The following SEC14L1 variants were observed in gnomAD, a reference collection of about 807,000 sequenced individuals.
SEC14L1 encodes the protein SEC14-like protein 1.
Under a neutral mutation model 85.3 loss-of-function variants are expected in SEC14L1, and 48 were observed. The ratio of observed to expected loss-of-function variants is 0.56; its 90% confidence interval spans 0.45 to 0.72. The LOEUF (loss-of-function observed/expected upper bound fraction) is 0.72. Among genes scored for constraint, SEC14L1 ranks in the 30% least tolerant of loss-of-function variants. The pLI is 0.00. For synonymous variants in SEC14L1, 391 were observed against 355.5 expected (o/e 1.10, Z -1.12); for missense variants, 682 against 921.4 (o/e 0.74, Z 3.36).
chr17:77,154,456 A>G (rs1255285634), intron 3 of SEC14L1, among the ~76,000 whole-genome samples: 3 of 152,178 alleles, frequency 2.0e-5, no homozygotes, highest in African/African-American at 7.2e-5. Flanking sequence ...CCCTGTATCT[A>G]AAAGATGTGT....
upstream of SEC14L1, among the ~76,000 whole-genome samples, chr17:77,138,686 G>A (rs142096050): frequency 2.6e-5 from 4 of 152,234 alleles, no homozygotes; most frequent in Admixed American, 6.5e-5. Flanking sequence ...GTAGCCAGGC[G>A]TGGTGGCACA....
intron 3 of SEC14L1, among the ~76,000 whole-genome samples, chr17:77,160,690 A>G (rs1974017614): frequency 6.6e-6 from 1 of 152,226 alleles, no homozygotes; most frequent in African/African-American, 2.4e-5. Context: ...TAGTGTCTTT[A>G]TAATTCTCTA....
chr17:77,128,298 C>T (rs1178997882), intron 3 of SEC14L1, among the ~76,000 whole-genome samples: 2 of 152,166 alleles, frequency 1.3e-5, no homozygotes, highest in Non-Finnish European at 2.9e-5. Context: ...AGCACCAGCA[C>T]GGCGCCTGAC....
upstream of SEC14L1, among the ~76,000 whole-genome samples, chr17:77,139,802 G>T (rs993099465): frequency 6.6e-6 from 1 of 152,062 alleles, no homozygotes; most frequent in South Asian, 2.1e-4. Flanking sequence ...CCGGCCGGTG[G>T]ATGTGATTTC....
intron 2 of SEC14L1, chr17:77,090,018 C>T (rs995957798): frequency 4.1e-4 from 51 of 125,126 alleles, no homozygotes; most frequent in African/African-American, 1.8e-3. Context: ...AGCAAAACTC[C>T]GAGAAAAAAA....
chr17:77,211,642 C>G (rs1392320354), intron 14 of SEC14L1: 2 of 393,482 alleles, frequency 5.1e-6, no homozygotes, highest in Non-Finnish European at 9.5e-6. Flanking sequence ...TGTACGAGCT[C>G]ACAGTGTTTG....
chr17:77,100,060 T>C (rs1362112960), intron 3 of SEC14L1, among the ~76,000 whole-genome samples: 1 of 152,256 alleles, frequency 6.6e-6, no homozygotes, highest in Non-Finnish European at 1.5e-5. Flanking sequence ...GCTCTGGCGC[T>C]CCCAGCGGGA....
chr17:77,172,807 T>C (rs1974573742), intron 3 of SEC14L1, among the ~76,000 whole-genome samples: 1 of 152,156 alleles, frequency 6.6e-6, no homozygotes, highest in Non-Finnish European at 1.5e-5. Flanking sequence ...TGGGAATGTT[T>C]TGGATGCGGA....
In SEC14L1 at chr17:77,214,503, C is replaced by T. The variant is rs1976942066; in HGVS notation, c.*480C>T. On this transcript the variant is annotated 3_prime_UTR_variant, in exon 17 of 17. Coordinates refer to ENST00000436233, the MANE Select transcript of SEC14L1 (RefSeq NM_001143998.2). ...GCCTCACGGCCCCCATGCTTCCCGCCAGTCAAGATGGTCTGTGGACTTAGG... is the reference window on the plus strand; with the variant it reads ...GCCTCACGGCCCCCATGCTTCCCGCTAGTCAAGATGGTCTGTGGACTTAGG... 2 of 1,001,016 alleles carry T rather than the reference C, an allele frequency of 2.0e-6. No homozygotes were observed. The highest frequency in any genetic ancestry group is 2.4e-6 in the Non-Finnish European group (2 of 838,562). The allele number at this position is 1,001,016 out of a possible 1,614,324, so 62.0% of individuals were successfully genotyped here.
At chr17:77,153,040 C>G (rs1973636287) in intron 3 of SEC14L1, among the ~76,000 whole-genome samples, 1 of 152,086 alleles carries the variant, frequency 6.6e-6, no homozygotes, top group African/African-American at 2.4e-5. Flanking sequence ...ATCAATGCAG[C>G]CACCCTTTAG....
chr17:77,179,618 A>G (rs1259707085), intron 3 of SEC14L1, among the ~76,000 whole-genome samples: 2 of 152,164 alleles, frequency 1.3e-5, no homozygotes, highest in East Asian at 3.8e-4. Flanking sequence ...GAAGTTCATA[A>G]TTTAAGCTTT....
chr17:77,189,595 T>G (rs559870113), intron 3 of SEC14L1, among the ~76,000 whole-genome samples: 11 of 152,274 alleles, frequency 7.2e-5, no homozygotes, highest in African/African-American at 2.2e-4. Flanking sequence ...TCCTCCCATT[T>G]TGTAGTTTGT....
rs946718047 is a variant in SEC14L1, at chr17:77,206,767, C to T, written c.1381C>T (p.Leu461Phe). The change falls in exon 13 of 17, where the codon CTC (leucine) becomes TTC (phenylalanine). Residue 461 changes from leucine (L) to phenylalanine (F), a missense_variant. Around this residue, in one of 3 missense-constraint regions of SEC14L1, gnomAD observed 420 missense variants for 619.5 expected, o/e 0.68. Transcript: ENST00000436233. The surrounding 1 kb of genome is among the most constrained non-coding windows in gnomAD (Gnocchi z 4.3). ...FIDDNTRRKF[L>F]IYAGNDYQGP... ...TGATGACAACACCAGAAGGAAGTTC[C>T]TCATTTATGCAGGAAATGACTACCA... 62 of 1,612,440 alleles carry T rather than the reference C, an allele frequency of 3.8e-5. No individual in the cohort carries two copies. Among genetic ancestry groups the T allele is most frequent in the Non-Finnish European group, 5.0e-5 (59 of 1,179,594 alleles).
intron 3 of SEC14L1, among the ~76,000 whole-genome samples, chr17:77,133,281 T>A (rs1972667594): frequency 6.6e-6 from 1 of 152,162 alleles, no homozygotes; most frequent in African/African-American, 2.4e-5. Flanking sequence ...CTAAGAGCAA[T>A]GGAGAAGATA....
intron 3 of SEC14L1, among the ~76,000 whole-genome samples, chr17:77,116,298 G>T (rs1972170969): frequency 6.6e-6 from 1 of 152,132 alleles, no homozygotes; most frequent in Admixed American, 6.6e-5. Flanking sequence ...CAAGAAATTT[G>T]TGTGCCTGAG....
chr17:77,112,325 G>A (rs1305201467), intron 3 of SEC14L1, among the ~76,000 whole-genome samples: 1 of 151,982 alleles, frequency 6.6e-6, no homozygotes, highest in African/African-American at 2.4e-5. Context: ...AATGCAGGGG[G>A]GCTATTATGT....
chr17:77,160,501 A>T (rs916490894), intron 3 of SEC14L1, among the ~76,000 whole-genome samples: 1 of 152,264 alleles, frequency 6.6e-6, no homozygotes, highest in African/African-American at 2.4e-5. Flanking sequence ...TGCTTTAAAC[A>T]CATGAAAAGC....
rs767449894 is a variant in SEC14L1 at position 77,213,733 on chromosome 17, C to T, written c.2043-185C>T. The T allele has an allele frequency of 1.8e-5, 16 of 877,086 alleles. No individual in the cohort carries two copies. Among genetic ancestry groups the T allele is most frequent in the Non-Finnish European group, 2.8e-5 (15 of 543,740 alleles). 54.3% of individuals were successfully genotyped at this position (877,086 alleles called of 1,614,324 possible). On this transcript the variant is annotated intron_variant, in intron 16 of 16. Coordinates refer to ENST00000436233, the MANE Select transcript of SEC14L1 (RefSeq NM_001143998.2). The surrounding 1 kb of genome is among the most constrained non-coding windows in gnomAD (Gnocchi z 7.1). ...TTGCTTTAGCTCACACTGCCGTCTG[C>T]GTGCAGGCTGTGGGAAGCCGGTCCC... is the stretch of plus-strand genomic sequence containing the variant.
At chr17:77,100,988 A>G (rs975047821) in intron 3 of SEC14L1, among the ~76,000 whole-genome samples, 5 of 152,276 alleles carry the variant, frequency 3.3e-5, no homozygotes, top group African/African-American at 1.2e-4. Context: ...GAGCTGGATT[A>G]TTGTTGTTAG....
Sources: allele counts gnomAD v4.1 joint callset (sites outside exome capture counted in the v4.1 genomes callset), GRCh38; gene constraint gnomAD v4.1.1; regional missense constraint gnomAD v4.1.1; non-coding constraint Gnocchi (gnomAD v3.1); transcripts MANE v1.5; gene names NCBI Gene and HGNC (gene_info 2026-07-23, HGNC 2026-07-21).